The following WWOX variants were observed in gnomAD, a reference collection of about 807,000 sequenced individuals.
WWOX encodes the protein WW domain-containing oxidoreductase.
A neutral mutation model predicts 46.2 loss-of-function variants in WWOX; 69 were observed. The observed-to-expected ratio is 1.49, with a 90% CI of 1.23 to 1.82. WWOX has a LOEUF of 1.82. Among genes scored for constraint, WWOX ranks in the 40% most tolerant of loss-of-function variants. The pLI is 0.00. For missense variants in WWOX, 919 were observed against 542.6 expected (o/e 1.69, Z -6.89); for synonymous variants, 359 against 202.6 (o/e 1.77, Z -6.56).
intron 8 of WWOX, among the ~76,000 whole-genome samples, chr16:78,532,604 T>C (rs1197195061): frequency 6.6e-6 from 1 of 152,192 alleles, no homozygotes; most frequent in African/African-American, 2.4e-5. Context: ...TACTAGGTCA[T>C]TTACAAAAGA....
In WWOX at chr16:78,415,864, C is replaced by T. The variant is rs7200509; in HGVS notation, c.606-9006C>T. On this transcript the variant is annotated intron_variant, in intron 6 of 8. Coordinates refer to ENST00000566780, the MANE Select transcript of WWOX (RefSeq NM_016373.4). ...AACTACTGAGGGGATGTCCTCTGGC[C>T]CAGAAGGAATGCATTGGCTCTAGTT... 9.9e-3 allele frequency among the ~76,000 whole-genome samples: 1,506 copies of T among 152,182 alleles called. 22 individuals carry two copies. Among genetic ancestry groups the T allele is most frequent in the African/African-American group, 0.033 (1,373 of 41,522 alleles).
intron 8 of WWOX, among the ~76,000 whole-genome samples, chr16:78,857,158 A>G (rs1345785084): frequency 2.0e-5 from 3 of 152,234 alleles, no homozygotes; most frequent in East Asian, 3.8e-4. Context: ...CACATATGCA[A>G]AGAGTTTTGG....
chr16:78,807,731 T>G (rs1410392639), intron 8 of WWOX, among the ~76,000 whole-genome samples: 2 of 152,226 alleles, frequency 1.3e-5, no homozygotes, highest in Non-Finnish European at 2.9e-5. Flanking sequence ...AATTGGGGCT[T>G]CTCCAAAGTG....
At chr16:78,880,203 C>A (rs2044315301) in intron 8 of WWOX, among the ~76,000 whole-genome samples, 1 of 152,150 alleles carries the variant, frequency 6.6e-6, no homozygotes, top group African/African-American at 2.4e-5. Flanking sequence ...ACGAAGATAT[C>A]TTTGCTGTAT....
At chr16:78,229,238 T>C (rs981902995) in intron 5 of WWOX, among the ~76,000 whole-genome samples, 9 of 147,170 alleles carry the variant, frequency 6.1e-5, no homozygotes, top group East Asian at 2.0e-4. Flanking sequence ...TTTTGCCTTT[T>C]TGAAGTATAT....
At chr16:79,008,014 C>T (rs2047223308) in intron 8 of WWOX, among the ~76,000 whole-genome samples, 1 of 152,182 alleles carries the variant, frequency 6.6e-6, no homozygotes, top group Non-Finnish European at 1.5e-5. Context: ...GTTAAAAGTC[C>T]TGGTTCAGGC....
intron 8 of WWOX, among the ~76,000 whole-genome samples, chr16:79,128,752 G>C (rs1039309888): frequency 6.6e-6 from 1 of 152,200 alleles, no homozygotes; most frequent in Non-Finnish European, 1.5e-5. Context: ...AAGCCAGTAG[G>C]ATTCAATCTG....
intron 8 of WWOX, among the ~76,000 whole-genome samples, chr16:78,692,588 G>T (rs1197496513): frequency 6.6e-6 from 1 of 152,174 alleles, no homozygotes; most frequent in Non-Finnish European, 1.5e-5. Context: ...CTGACTGTAA[G>T]GGCCATATGC....
At chr16:78,397,771 C>T (rs1169626361) in intron 6 of WWOX, among the ~76,000 whole-genome samples, 8 of 152,214 alleles carry the variant, frequency 5.3e-5, no homozygotes, top group Admixed American at 1.3e-4. Flanking sequence ...GTGATCCGCC[C>T]ACCTCAACCT....
chr16:79,053,937 G>C (rs2048215638), intron 8 of WWOX, among the ~76,000 whole-genome samples: 2 of 151,856 alleles, frequency 1.3e-5, no homozygotes. Flanking sequence ...TCTGTGGTTA[G>C]AACTAAGAGG....
intron 8 of WWOX, among the ~76,000 whole-genome samples, chr16:78,503,218 G>T (rs1261214871): frequency 6.6e-6 from 1 of 152,140 alleles, no homozygotes; most frequent in African/African-American, 2.4e-5. Flanking sequence ...TGCATGCTGA[G>T]AGCATGATGG....
chr16:78,154,485 C>CTTTTTT (rs557916068), intron 4 of WWOX, among the ~76,000 whole-genome samples: 40 of 77,810 alleles, frequency 5.1e-4, no homozygotes, highest in Non-Finnish European at 6.6e-4. Flanking sequence ...AATCCTTGAT[C>CTTTTTT]TTTTTTTTTT....
At chr16:79,014,635 AAT>A (rs1302050901) in intron 8 of WWOX, among the ~76,000 whole-genome samples, 1 of 152,114 alleles carries the variant, frequency 6.6e-6, no homozygotes, top group African/African-American at 2.4e-5. Context: ...TAAGACTTTG[AAT>A]AGTTTATTAA....
chr16:78,819,063 A>T (rs1046665698), intron 8 of WWOX, among the ~76,000 whole-genome samples: 1 of 152,220 alleles, frequency 6.6e-6, no homozygotes, highest in Non-Finnish European at 1.5e-5. Flanking sequence ...CACTTAGCAC[A>T]TGAGCAGGCC....
At chr16:78,690,154 C>T (rs1022843238) in intron 8 of WWOX, among the ~76,000 whole-genome samples, 4 of 152,148 alleles carry the variant, frequency 2.6e-5, no homozygotes, top group Admixed American at 2.0e-4. Flanking sequence ...AGCCACCGAG[C>T]CCGGCCAGGA....
intron 8 of WWOX, among the ~76,000 whole-genome samples, chr16:79,073,748 G>A (rs146143725): frequency 7.9e-5 from 12 of 152,076 alleles, no homozygotes; most frequent in East Asian, 3.9e-4. Context: ...CAGAACTGTC[G>A]TATCTCAGGG....
chr16:78,649,653 C>G (rs2046921914), intron 8 of WWOX, among the ~76,000 whole-genome samples: 2 of 152,184 alleles, frequency 1.3e-5, no homozygotes, highest in South Asian at 2.1e-4. Context: ...CCCTTCTGTC[C>G]TTTACTTATG....
chr16:79,071,555 T>G (rs1156326402), intron 8 of WWOX, among the ~76,000 whole-genome samples: 2 of 152,218 alleles, frequency 1.3e-5, no homozygotes, highest in Non-Finnish European at 1.5e-5. Context: ...TTCAGGTTTT[T>G]AGAGTCCTAA....
intron 8 of WWOX, among the ~76,000 whole-genome samples, chr16:78,559,614 G>A (rs1244240404): frequency 6.6e-6 from 1 of 152,194 alleles, no homozygotes; most frequent in African/African-American, 2.4e-5. Flanking sequence ...ATTAGCAAAT[G>A]GCCACTGGCT....
Sources: gnomAD v4.1 joint callset for allele counts (sites outside exome capture counted in the v4.1 genomes callset) on GRCh38, gnomAD v4.1.1 for gene constraint, MANE v1.5 for transcripts, NCBI Gene and HGNC (gene_info 2026-07-23, HGNC 2026-07-21) for gene names.